Variants in DEPDC5 observed in about 807,000 individuals in gnomAD.
The protein encoded by DEPDC5 is DEP domain containing 5, GATOR1 subcomplex subunit.
A neutral mutation model predicts 217.3 loss-of-function variants in DEPDC5; 73 were observed. The ratio of observed to expected loss-of-function variants is 0.34; its 90% CI spans 0.28 to 0.41. The LOEUF (loss-of-function observed/expected upper bound fraction) is 0.41, where lower values mean the gene tolerates loss of function less well. Among genes scored for constraint, DEPDC5 ranks in the 10% least tolerant of loss-of-function variants. The pLI is 1.00. For missense variants in DEPDC5, 1,675 were observed against 2,070.1 expected (o/e 0.81, Z 3.70); for synonymous variants, 733 against 756.7 (o/e 0.97, Z 0.51).
chr22:31,819,372 G>T, intron 22 of DEPDC5, 147 bp downstream of exon 22: 2 of 780,610 alleles, frequency 2.6e-6, no homozygotes, highest in Non-Finnish European at 4.1e-6. Flanking sequence ...CATCCCAGGG[G>T]TTCTTGTAAA....
chr22:31,897,707 A>G, intron 40 of DEPDC5, 54 bp downstream of exon 40: 1 of 1,589,110 alleles, frequency 6.3e-7, no homozygotes, highest in Non-Finnish European at 8.6e-7. Flanking sequence ...CCCGTCCCTA[A>G]CAAGGACACC....
rs778753323 is a variant in DEPDC5, at chr22:31,845,124, G to A, written c.2908G>A (p.Gly970Arg). 3 of 1,614,076 alleles carry A rather than the reference G, an allele frequency of 1.9e-6. No homozygotes were observed. The highest frequency in any genetic ancestry group is 2.5e-6 in the Non-Finnish European group (3 of 1,180,030). The change falls in exon 30 of 43, where the codon GGG becomes AGG. Residue 970 changes from glycine (G) to arginine (R), a missense_variant. Coordinates refer to ENST00000651528, the MANE Select transcript of DEPDC5 (RefSeq NM_001242896.3). ...TEGEAHCDIY[G>R]DRPRADEDEW... Reference sequence around the variant, plus strand: ...GGGGGAGGCCCACTGCGACATCTATGGGGACAGGCCCCGTGCAGACGAGGA... The same window carrying A: ...GGGGGAGGCCCACTGCGACATCTATAGGGACAGGCCCCGTGCAGACGAGGA...
Position 31,793,069 on chromosome 22 carries a change from A to AAAATAAAT in DEPDC5, c.767+276_767+283dup, listed in dbSNP as rs376718942. Among the ~76,000 whole-genome samples the AAAATAAAT allele has an allele frequency of 1.2e-3, 180 of 151,034 alleles. 1 individual carries two copies. Among genetic ancestry groups the AAAATAAAT allele is most frequent in the South Asian group, 6.7e-3 (32 of 4,796 alleles). On this transcript the variant is annotated intron_variant, in intron 12 of 42. Coordinates refer to ENST00000651528, the MANE Select transcript of DEPDC5 (RefSeq NM_001242896.3). The stretch of plus-strand genomic sequence containing the variant: ...TGGGAGAGAGTGAGACCCTGTCTCC[A>AAAATAAAT]AAATAAATAAATAAATAAATAAATA...
chr22:31,880,493 A>G (rs2093144271), intron 38 of DEPDC5, among the ~76,000 whole-genome samples: 1 of 152,258 alleles, frequency 6.6e-6, no homozygotes, highest in South Asian at 2.1e-4. Context: ...AGCAAATAGA[A>G]CATAAACCAA....
chr22:31,879,319 AC>A (rs2093109339), intron 37 of DEPDC5, among the ~76,000 whole-genome samples: 1 of 150,990 alleles, frequency 6.6e-6, no homozygotes, highest in Admixed American at 6.6e-5. Context: ...TCCTCCTCCC[AC>A]CCCCAGCAAC....
chr22:31,881,037 C>T (rs1296400974), intron 38 of DEPDC5, among the ~76,000 whole-genome samples: 3 of 142,456 alleles, frequency 2.1e-5, no homozygotes, highest in South Asian at 2.3e-4. Context: ...AAGGGCCAAA[C>T]GCTGTGGCTC....
chr22:31,826,117 C>T (rs1295027028), intron 24 of DEPDC5, among the ~76,000 whole-genome samples: 1 of 152,092 alleles, frequency 6.6e-6, no homozygotes, highest in Non-Finnish European at 1.5e-5. Context: ...AGCAATTCCC[C>T]TGCCTCAGCC....
At chr22:31,815,351 C>A (rs1348429973) in intron 21 of DEPDC5, 139 bp downstream of exon 21, 12 of 761,358 alleles carry the variant, frequency 1.6e-5, no homozygotes, top group Non-Finnish European at 2.5e-5. Context: ...AGGTACAAAT[C>A]ACTTTAGCTG....
intron 7 of DEPDC5, among the ~76,000 whole-genome samples, chr22:31,777,205 C>T (rs1686139820): frequency 6.6e-6 from 1 of 150,792 alleles, no homozygotes; most frequent in African/African-American, 2.4e-5. Context: ...GGTGATTCAC[C>T]CGCCTCAGCC....
At chr22:31,779,784 G>A (rs923718556) in intron 8 of DEPDC5, among the ~76,000 whole-genome samples, 1 of 152,008 alleles carries the variant, frequency 6.6e-6, no homozygotes, top group African/African-American at 2.4e-5. Flanking sequence ...TATTATTGGC[G>A]TCCTTGTGTC....
At chr22:31,880,143 A>G (rs1165879083) in intron 38 of DEPDC5, 1 of 234,496 alleles carries the variant, frequency 4.3e-6, no homozygotes, top group Non-Finnish European at 8.7e-6. Context: ...TCAGAAGAGG[A>G]AGGAACCTAA....
At chr22:31,887,941 A>AG (rs1354172925) in intron 38 of DEPDC5, among the ~76,000 whole-genome samples, 1 of 152,202 alleles carries the variant, frequency 6.6e-6, no homozygotes, top group Non-Finnish European at 1.5e-5. Flanking sequence ...TATAGGGGGA[A>AG]GAAGGCCTGT....
At chr22:31,779,447 C>G (rs1158552914) in intron 8 of DEPDC5, among the ~76,000 whole-genome samples, 3 of 152,110 alleles carry the variant, frequency 2.0e-5, no homozygotes, top group African/African-American at 4.8e-5. Context: ...AAACAATTTT[C>G]AGAAGTCAGT....
rs75140541 is a variant in DEPDC5, at chr22:31,811,956, T to G, written c.1445+1315T>G. 1.6e-3 allele frequency among the ~76,000 whole-genome samples: 248 copies of G among 152,312 alleles called. 2 individuals are homozygous for G. The highest frequency in any genetic ancestry group is 6.0e-3 in the South Asian group (29 of 4,828). Reference sequence around the variant, plus strand: ...GAGTTACAGATGTGTATTTCATATTTTCTTCAAATACTTTATAGTCTTGGC... The same window carrying G: ...GAGTTACAGATGTGTATTTCATATTGTCTTCAAATACTTTATAGTCTTGGC... On this transcript the variant is annotated intron_variant, in intron 20 of 42. Coordinates refer to ENST00000651528, the MANE Select transcript of DEPDC5 (RefSeq NM_001242896.3).
At chr22:31,820,722 C>T (rs2089611461) in intron 22 of DEPDC5, among the ~76,000 whole-genome samples, 1 of 152,148 alleles carries the variant, frequency 6.6e-6, no homozygotes, top group Non-Finnish European at 1.5e-5. Context: ...CTGTGCTTCT[C>T]CTCCTCCCAC....
chr22:31,784,546 T>C (rs932749355), intron 9 of DEPDC5: 2 of 303,418 alleles, frequency 6.6e-6, no homozygotes, highest in Admixed American at 4.9e-5. Flanking sequence ...GGAGAATCGC[T>C]TGAACCTGGG....
intron 4 of DEPDC5, 142 bp from the exon 5 acceptor site, chr22:31,764,833 G>A: frequency 1.7e-6 from 1 of 578,542 alleles, no homozygotes; most frequent in Non-Finnish European, 3.1e-6. Context: ...TAAATTCTAA[G>A]CTCCTGAAAG....
At position 31,812,151 on chromosome 22, in the gene DEPDC5, G is replaced by A. The variant is rs534876330; in HGVS notation, c.1445+1510G>A. On this transcript the variant is annotated intron_variant, in intron 20 of 42. Coordinates refer to ENST00000651528, the MANE Select transcript of DEPDC5 (RefSeq NM_001242896.3). ...CTACAGGCATGCACCACCACACTCG[G>A]CTAATTTTTATATTTTTTAGTAGAG... Among the ~76,000 whole-genome samples the A allele has an allele frequency of 7.3e-5, 11 of 151,272 alleles. No individual in the cohort carries two copies. The East Asian group carries it at 2.2e-3, about 30-fold the overall frequency.
intron 24 of DEPDC5, among the ~76,000 whole-genome samples, chr22:31,826,901 T>TG (rs908811293): frequency 6.6e-6 from 1 of 151,830 alleles, no homozygotes; most frequent in African/African-American, 2.4e-5. Flanking sequence ...TACATAGTTT[T>TG]TTTTTTTTTT....
Sources: allele counts gnomAD v4.1 joint callset (sites outside exome capture counted in the v4.1 genomes callset), GRCh38; gene constraint gnomAD v4.1.1; transcripts MANE v1.5; gene names NCBI Gene and HGNC (gene_info 2026-07-23, HGNC 2026-07-21).